The following RARB variants were observed in gnomAD, a reference collection of about 807,000 sequenced individuals.
RARB encodes the protein retinoic acid receptor beta, also known as HBV-activated protein.
A neutral mutation model predicts 51.9 loss-of-function variants in RARB; 17 were observed. The ratio of observed to expected loss-of-function variants is 0.33; its 90% CI spans 0.22 to 0.49. The LOEUF is 0.49. RARB is among the 20% of genes least tolerant of loss of function. RARB has a pLI of 0.99. For missense variants in RARB, 369 were observed against 550.8 expected (o/e 0.67, Z 3.30); for synonymous variants, 215 against 195.4 (o/e 1.10, Z -0.84).
intron 1 of RARB, 61 bp downstream of exon 1, chr3:25,428,949 A>G (rs1708092692): frequency 1.3e-6 from 2 of 1,516,802 alleles, no homozygotes; most frequent in East Asian, 2.3e-5. Context: ...CTTGCATGCA[A>G]TAAAGACGTT....
At chr3:25,323,257 G>A (rs972941866) in intron 5 of RARB, among the ~76,000 whole-genome samples, 4 of 152,232 alleles carry the variant, frequency 2.6e-5, no homozygotes, top group African/African-American at 9.6e-5. Flanking sequence ...CACAGGACCA[G>A]CTCAGAATGA....
intron 3 of RARB, among the ~76,000 whole-genome samples, chr3:25,567,529 T>G (rs138970809): frequency 0.035 from 5,321 of 152,302 alleles, 128 homozygotes; most frequent in Middle Eastern, 0.12. Context: ...CGTCCTAGAT[T>G]CCACTTCCCC....
chr3:25,346,863 C>A (rs922265640), intron 5 of RARB, among the ~76,000 whole-genome samples: 2 of 152,224 alleles, frequency 1.3e-5, no homozygotes, highest in Non-Finnish European at 2.9e-5. Context: ...TACCCTGTGC[C>A]AGGCCCCCAA....
intron 3 of RARB, among the ~76,000 whole-genome samples, chr3:25,124,117 G>A (rs1035277393): frequency 6.6e-6 from 1 of 152,062 alleles, no homozygotes; most frequent in African/African-American, 2.4e-5. Context: ...GCTCACGCCT[G>A]TAATCCTAGC....
At chr3:25,213,207 C>T (rs541898171) in intron 5 of RARB, among the ~76,000 whole-genome samples, 15 of 152,274 alleles carry the variant, frequency 9.9e-5, no homozygotes, top group African/African-American at 3.1e-4. Context: ...TGACGAGCAC[C>T]TTATTTTCCC....
At chr3:25,436,261 A>C (rs1332446715) in intron 1 of RARB, among the ~76,000 whole-genome samples, 2 of 152,110 alleles carry the variant, frequency 1.3e-5, no homozygotes, top group Non-Finnish European at 2.9e-5. Flanking sequence ...CTTTGATTTT[A>C]TATGAAAACC....
chr3:25,316,570 G>T (rs1361448102), intron 5 of RARB, among the ~76,000 whole-genome samples: 2 of 152,182 alleles, frequency 1.3e-5, no homozygotes, highest in African/African-American at 4.8e-5. Context: ...GCTGAAAGAG[G>T]ATTCAGAAGA....
At chr3:24,852,076 A>G (rs1702567329) in intron 1 of RARB, among the ~76,000 whole-genome samples, 1 of 152,156 alleles carries the variant, frequency 6.6e-6, no homozygotes, top group Non-Finnish European at 1.5e-5. Flanking sequence ...TTCCATGGGG[A>G]AATTTTAAGT....
chr3:24,868,403 ATATT>A (rs1249593094), intron 2 of RARB, among the ~76,000 whole-genome samples: 1 of 152,172 alleles, frequency 6.6e-6, no homozygotes, highest in Non-Finnish European at 1.5e-5. Flanking sequence ...AATACTTTAT[ATATT>A]AACTCTGTCG....
At chr3:24,891,520 A>T (rs1559384938) in intron 2 of RARB, among the ~76,000 whole-genome samples, 1 of 152,204 alleles carries the variant, frequency 6.6e-6, no homozygotes, top group Non-Finnish European at 1.5e-5. Context: ...AGCATATAGT[A>T]AACATTCAGC....
rs139960216 is a variant in RARB at position 25,371,133 on chromosome 3, T to A, written c.179-90060T>A. ...CCTTGAATATATCTCCCAACATTCA[T>A]GTGTTGGAAACTTAACCCCTAATGC... On this transcript the variant is annotated intron_variant, in intron 5 of 11. Transcript: ENST00000383772. 1.1e-4 allele frequency among the ~76,000 whole-genome samples: 16 copies of A among 152,322 alleles called. 1 individual carries two copies. In the East Asian group the frequency reaches 3.1e-3, roughly 29 times the overall value.
chr3:25,520,420 C>G (rs993232913), intron 3 of RARB, among the ~76,000 whole-genome samples: 1 of 152,162 alleles, frequency 6.6e-6, no homozygotes, highest in African/African-American at 2.4e-5. Flanking sequence ...ATTCCTCTCC[C>G]AGTCTCCAAA....
chr3:25,476,925 C>T (rs980345305), intron 2 of RARB, among the ~76,000 whole-genome samples: 1 of 152,194 alleles, frequency 6.6e-6, no homozygotes, highest in African/African-American at 2.4e-5. Flanking sequence ...GTCTTGTTCA[C>T]TTCTGTATTC....
At chr3:25,528,833 G>A (rs922585653) in intron 3 of RARB, among the ~76,000 whole-genome samples, 1 of 113,314 alleles carries the variant, frequency 8.8e-6, no homozygotes, top group Non-Finnish European at 1.9e-5. Flanking sequence ...CTTTTAAAAC[G>A]CAGCCAAACA....
At chr3:25,273,637 A>C (rs988698218) in intron 5 of RARB, among the ~76,000 whole-genome samples, 25 of 152,348 alleles carry the variant, frequency 1.6e-4, no homozygotes, top group African/African-American at 5.5e-4. Flanking sequence ...GCTCACTGGC[A>C]AAGATAAGGA....
intron 5 of RARB, among the ~76,000 whole-genome samples, chr3:25,372,962 G>A (rs1262338746): frequency 6.6e-6 from 1 of 152,174 alleles, no homozygotes; most frequent in Non-Finnish European, 1.5e-5. Flanking sequence ...GGAAAGATAA[G>A]AGTCAAGGTT....
chr3:25,075,915 T>C (rs1438177788), intron 3 of RARB, among the ~76,000 whole-genome samples: 1 of 152,106 alleles, frequency 6.6e-6, no homozygotes, highest in African/African-American at 2.4e-5. Context: ...GACTAACAAG[T>C]TGTTTATCTG....
chr3:25,458,781 C>G (rs1695033068), intron 1 of RARB, among the ~76,000 whole-genome samples: 1 of 152,176 alleles, frequency 6.6e-6, no homozygotes, highest in African/African-American at 2.4e-5. Context: ...TATGAAAATA[C>G]TATAATTATA....
chr3:25,238,514 G>A (rs538266694), intron 5 of RARB, among the ~76,000 whole-genome samples: 6 of 152,148 alleles, frequency 3.9e-5, no homozygotes, highest in Admixed American at 1.3e-4. Context: ...TTTCCCTTGC[G>A]TAAATACCCA....
Sources: gnomAD v4.1 joint callset for allele counts (sites outside exome capture counted in the v4.1 genomes callset) on GRCh38, gnomAD v4.1.1 for gene constraint, MANE v1.5 for transcripts, NCBI Gene and HGNC (gene_info 2026-07-23, HGNC 2026-07-21) for gene names.